The following MGAT4C variants were observed in gnomAD, a reference collection of about 807,000 sequenced individuals.
MGAT4C encodes the protein alpha-1,3-mannosyl-glycoprotein 4-beta-N-acetylglucosaminyltransferase C.
A neutral mutation model predicts 40.1 loss-of-function variants in MGAT4C; 19 were observed. The ratio of observed to expected loss-of-function variants is 0.47; its 90% CI spans 0.33 to 0.70. The LOEUF is 0.70. Ranked by LOEUF, MGAT4C falls within the 30% of genes least tolerant of loss-of-function variation. The pLI is 0.02. For synonymous variants in MGAT4C, 181 were observed against 187.1 expected (o/e 0.97, Z 0.27); for missense variants, 491 against 563.2 (o/e 0.87, Z 1.30).
chr12:86,815,949 A>G (rs983911475), intron 1 of MGAT4C, among the ~76,000 whole-genome samples: 9 of 151,898 alleles, frequency 5.9e-5, no homozygotes, highest in East Asian at 1.9e-4. Flanking sequence ...ACCACTAAAG[A>G]ACTTACTCTT....
Position 86,433,304 on chromosome 12 carries a change from ATG to A in MGAT4C, c.-120+1851_-120+1852del, listed in dbSNP as rs1957075929. The stretch of plus-strand genomic sequence containing the variant: ...TATAAAATGATATACATATATATGT[ATG>A]TGTGTGCATACATACACACATTCAC... On this transcript the variant is annotated intron_variant, in intron 3 of 7. Coordinates refer to the MGAT4C transcript ENST00000548651. Among the ~76,000 whole-genome samples the A allele has an allele frequency of 3.3e-5, 5 of 150,618 alleles. No homozygotes were observed. In the South Asian group the frequency reaches 1.0e-3, roughly 32 times the overall value.
chr12:86,488,367 C>T (rs1337030010), intron 2 of MGAT4C, among the ~76,000 whole-genome samples: 1 of 150,966 alleles, frequency 6.6e-6, no homozygotes, highest in African/African-American at 2.4e-5. Flanking sequence ...ATTGAGGCTG[C>T]AGTGAGTGGT....
chr12:86,195,326 C>T (rs988011397), intron 1 of MGAT4C, among the ~76,000 whole-genome samples: 4 of 152,034 alleles, frequency 2.6e-5, no homozygotes, highest in Non-Finnish European at 5.9e-5. Flanking sequence ...AATTGTTCTT[C>T]GTGATCTGTT....
At chr12:86,102,928 G>A (rs1875381054) in intron 1 of MGAT4C, among the ~76,000 whole-genome samples, 1 of 152,006 alleles carries the variant, frequency 6.6e-6, no homozygotes, top group Admixed American at 6.6e-5. Context: ...TAGCACAAAT[G>A]TATCAGATAT....
chr12:86,600,005 A>C (rs1178032227), intron 2 of MGAT4C, among the ~76,000 whole-genome samples: 1 of 152,132 alleles, frequency 6.6e-6, no homozygotes. Context: ...GAAACAAAGT[A>C]AACAATTTCA....
intron 3 of MGAT4C, among the ~76,000 whole-genome samples, chr12:86,341,447 G>C (rs1236603341): frequency 1.3e-5 from 2 of 152,188 alleles, no homozygotes; most frequent in Non-Finnish European, 2.9e-5. Context: ...CTCTAGCAAA[G>C]TAGAAGGTTA....
At chr12:86,628,486 T>A (rs1383655621) in intron 2 of MGAT4C, among the ~76,000 whole-genome samples, 1 of 151,544 alleles carries the variant, frequency 6.6e-6, no homozygotes, top group Non-Finnish European at 1.5e-5. Flanking sequence ...ATGTTAAGGG[T>A]AGTCAGAGAG....
chr12:86,510,227 A>T (rs1958548686), intron 2 of MGAT4C, among the ~76,000 whole-genome samples: 1 of 152,060 alleles, frequency 6.6e-6, no homozygotes, highest in Non-Finnish European at 1.5e-5. Context: ...TTATTTTGAG[A>T]TCCGTCCCAT....
chr12:86,230,275 T>C (rs1359007312), intron 1 of MGAT4C, among the ~76,000 whole-genome samples: 9 of 152,220 alleles, frequency 5.9e-5, no homozygotes, highest in Non-Finnish European at 8.8e-5. Flanking sequence ...AAACACATAG[T>C]TATTCTGGGC....
At chr12:86,615,444 G>T (rs1962418586) in intron 2 of MGAT4C, among the ~76,000 whole-genome samples, 1 of 151,936 alleles carries the variant, frequency 6.6e-6, no homozygotes, top group East Asian at 1.9e-4. Flanking sequence ...TCTCTGAGGT[G>T]ATAAAAGTAA....
At chr12:86,700,102 T>C (rs538287601) in intron 2 of MGAT4C, among the ~76,000 whole-genome samples, 3 of 149,728 alleles carry the variant, frequency 2.0e-5, no homozygotes, top group Non-Finnish European at 3.0e-5. Context: ...GATAGATAGA[T>C]AGATGATAGA....
intron 2 of MGAT4C, among the ~76,000 whole-genome samples, chr12:85,993,112 T>A (rs1379143539): frequency 6.6e-6 from 1 of 151,900 alleles, no homozygotes; most frequent in Admixed American, 6.6e-5. Flanking sequence ...TTAAAGGGGG[T>A]CTTGGCAAGT....
At chr12:86,479,958 G>T (rs1007190957) in intron 2 of MGAT4C, among the ~76,000 whole-genome samples, 5 of 151,774 alleles carry the variant, frequency 3.3e-5, no homozygotes, top group Non-Finnish European at 7.4e-5. Context: ...TTTGGAAAGA[G>T]AAAGGATCCT....
chr12:86,823,520 C>T (rs956688883), intron 1 of MGAT4C, among the ~76,000 whole-genome samples: 3 of 151,126 alleles, frequency 2.0e-5, no homozygotes, highest in African/African-American at 7.3e-5. Flanking sequence ...TTCACCATCT[C>T]TAGGAACACA....
intron 2 of MGAT4C, among the ~76,000 whole-genome samples, chr12:86,578,067 AT>A: frequency 6.6e-6 from 1 of 151,842 alleles, no homozygotes; most frequent in East Asian, 1.9e-4. Context: ...TAAGATTGTT[AT>A]TTCTGTGGCC....
At chr12:86,044,894 C>T (rs1892234074) in intron 2 of MGAT4C, among the ~76,000 whole-genome samples, 1 of 152,138 alleles carries the variant, frequency 6.6e-6, no homozygotes, top group Non-Finnish European at 1.5e-5. Flanking sequence ...CCTGCTAGCT[C>T]AAGTGTCCAT....
intron 2 of MGAT4C, among the ~76,000 whole-genome samples, chr12:86,441,657 T>A (rs988274946): frequency 7.9e-5 from 12 of 151,942 alleles, no homozygotes; most frequent in Non-Finnish European, 1.6e-4. Flanking sequence ...TTCATCCATG[T>A]CCCTACAAAG....
At chr12:86,501,413 G>A (rs527525013) in intron 2 of MGAT4C, among the ~76,000 whole-genome samples, 41 of 152,050 alleles carry the variant, frequency 2.7e-4, no homozygotes, top group African/African-American at 8.7e-4. Context: ...TACCATGGTG[G>A]TTGCTGTACC....
At chr12:86,577,045 TC>T (rs2136428776) in intron 2 of MGAT4C, among the ~76,000 whole-genome samples, 1 of 151,864 alleles carries the variant, frequency 6.6e-6, no homozygotes, top group South Asian at 2.1e-4. Context: ...TTATGTTAAT[TC>T]CTAGTTATTT....
Sources: gnomAD v4.1 joint callset for allele counts (sites outside exome capture counted in the v4.1 genomes callset) on GRCh38, gnomAD v4.1.1 for gene constraint, MANE v1.5 for transcripts, NCBI Gene and HGNC (gene_info 2026-07-23, HGNC 2026-07-21) for gene names.